SYNE2: variants seen among roughly 807,000 people sequenced by gnomAD.
SYNE2 encodes the protein spectrin repeat containing nuclear envelope protein 2.
In SYNE2, 431 loss-of-function variants were observed where a neutral mutation model predicts 856.3. The observed-to-expected ratio is 0.50, with a 90% CI of 0.47 to 0.55. The LOEUF is 0.55. Ranked by LOEUF, SYNE2 falls within the 20% of genes least tolerant of loss-of-function variation. The pLI is 0.00. For missense variants in SYNE2, 8,129 were observed against 8,023.2 expected (o/e 1.01, Z -0.50); for synonymous variants, 2,923 against 2,872.3 (o/e 1.02, Z -0.56).
intron 61 of SYNE2, among the ~76,000 whole-genome samples, chr14:64,097,554 G>A (rs1377404964): frequency 2.0e-5 from 3 of 152,240 alleles, no homozygotes; most frequent in Non-Finnish European, 4.4e-5. Context: ...TGCAGTGTTG[G>A]TTAGTGTGCA....
chr14:64,205,250 A>T (rs2140048956), intron 100 of SYNE2, among the ~76,000 whole-genome samples: 1 of 152,266 alleles, frequency 6.6e-6, no homozygotes, highest in East Asian at 1.9e-4. Flanking sequence ...TATTCTGCCT[A>T]CCACAGATGA....
chr14:64,064,567 T>TTTA (rs2097343404), intron 50 of SYNE2, among the ~76,000 whole-genome samples: 1 of 136,944 alleles, frequency 7.3e-6, no homozygotes, highest in East Asian at 2.0e-4. Flanking sequence ...TTTTTTTTTT[T>TTTA]AAATAAGACA....
chr14:63,862,626 T>C (rs535818470), intron 1 of SYNE2, among the ~76,000 whole-genome samples: 16 of 152,344 alleles, frequency 1.1e-4, no homozygotes, highest in African/African-American at 3.6e-4. Context: ...ATTATACTTA[T>C]AGATAATATT....
At chr14:63,916,208 T>C (rs1355642404) in intron 2 of SYNE2, among the ~76,000 whole-genome samples, 1 of 152,224 alleles carries the variant, frequency 6.6e-6, no homozygotes, top group African/African-American at 2.4e-5. Context: ...AACCAAAATA[T>C]GACCAAAAAT....
At chr14:64,139,312 A>G (rs1348557121) in intron 79 of SYNE2, among the ~76,000 whole-genome samples, 1 of 152,048 alleles carries the variant, frequency 6.6e-6, no homozygotes, top group African/African-American at 2.4e-5. Context: ...AATTTATAGA[A>G]GACATTTGAT....
At chr14:63,807,445 T>C (rs1888404171) in intron 1 of SYNE2, among the ~76,000 whole-genome samples, 1 of 151,900 alleles carries the variant, frequency 6.6e-6, no homozygotes, top group Non-Finnish European at 1.5e-5. Flanking sequence ...TTATAAAAAT[T>C]ATGTAAGGTT....
At position 63,817,662 on chromosome 14, in the gene SYNE2, C is replaced by T. The variant is rs117463266; in HGVS notation, c.-304-34839C>T. On this transcript the variant is annotated intron_variant, in intron 1 of 23. Coordinates refer to the SYNE2 transcript ENST00000674003. ...TATTAACAAGACTAAAAAAGAAAAA[C>T]TGTATGGTAATCTCTCAATACATGC... Among the ~76,000 whole-genome samples, 970 of 152,138 alleles carry T rather than the reference C, an allele frequency of 6.4e-3. 6 individuals carry two copies. The highest frequency in any genetic ancestry group is 7.7e-3 in the Non-Finnish European group (521 of 68,000).
chr14:63,857,871 A>G (rs1357039357), intron 1 of SYNE2, among the ~76,000 whole-genome samples: 1 of 152,186 alleles, frequency 6.6e-6, no homozygotes, highest in Non-Finnish European at 1.5e-5. Context: ...TGTCACGTGT[A>G]AGATTTGCAA....
At chr14:64,127,151 C>T (rs142693783) in intron 73 of SYNE2, among the ~76,000 whole-genome samples, 1,783 of 152,192 alleles carry the variant, frequency 0.012, 11 homozygotes, top group South Asian at 0.039. Flanking sequence ...ATCCCAGCTA[C>T]CTGGGAGGCT....
Position 64,051,794 on chromosome 14 carries a change from A to G in SYNE2, c.7881A>G (p.Glu2627=). The G allele has an allele frequency of 6.2e-7, 1 of 1,614,206 alleles. No individual in the cohort carries two copies. Among genetic ancestry groups the G allele is most frequent in the Non-Finnish European group, 8.5e-7 (1 of 1,180,040 alleles). The change falls in exon 48 of 116, where the codon GAA becomes GAG. Residue 2627 remains glutamate (E), a synonymous_variant. Coordinates refer to ENST00000555002, the MANE Select transcript of SYNE2 (RefSeq NM_182914.3). ...KYSQQVVEYD[E]FTTLMNKVQD... ...CTCAGCAGGTAGTGGAATATGATGA[A>G]TTTACAACCCTCATGAATAAGGTAC... is the stretch of plus-strand genomic sequence containing the variant.
upstream of SYNE2, among the ~76,000 whole-genome samples, chr14:63,850,936 A>G (rs1246854452): frequency 6.6e-6 from 1 of 152,238 alleles, no homozygotes; most frequent in African/African-American, 2.4e-5. Context: ...ATGGAAATGA[A>G]TAGAACCGAG....
intron 1 of SYNE2, among the ~76,000 whole-genome samples, chr14:63,791,046 C>CT (rs1280644229): frequency 6.6e-6 from 1 of 152,092 alleles, no homozygotes; most frequent in East Asian, 1.9e-4. Flanking sequence ...CAAACTCTGC[C>CT]TCCCAGGTTC....
rs1027858214 is a variant in SYNE2, at chr14:64,126,943, C to T, written c.13917+136C>T. ...AATGATGAGACTCTTCTGTTTGTTGCTCATGGTTGGAGATCATTTGAAAGT... is the reference window on the plus strand; with the variant it reads ...AATGATGAGACTCTTCTGTTTGTTGTTCATGGTTGGAGATCATTTGAAAGT... On this transcript the variant is annotated intron_variant, in intron 73 of 115. Transcript: ENST00000555002. 17 of 1,049,570 alleles carry T rather than the reference C, an allele frequency of 1.6e-5. No individual in the cohort carries two copies. In the East Asian group the frequency reaches 4.1e-4, roughly 26 times the overall value. The allele number at this position is 1,049,570 out of a possible 1,614,324, so 65.0% of individuals were successfully genotyped here.
At chr14:64,025,972 G>A (rs2096975088) in intron 41 of SYNE2, among the ~76,000 whole-genome samples, 1 of 151,922 alleles carries the variant, frequency 6.6e-6, no homozygotes, top group Non-Finnish European at 1.5e-5. Flanking sequence ...AAAAATACAG[G>A]GGACAGAAGC....
chr14:63,898,654 C>T (rs768273730), intron 1 of SYNE2, among the ~76,000 whole-genome samples: 21 of 152,160 alleles, frequency 1.4e-4, no homozygotes, highest in Non-Finnish European at 2.1e-4. Context: ...ATTCGCCCAC[C>T]TTGGCCTCCC....
At position 64,208,813 on chromosome 14, in the gene SYNE2, T is replaced by C. The variant is rs1311867053; in HGVS notation, c.18257T>C (p.Ile6086Thr). The C allele has an allele frequency of 1.2e-6, 2 of 1,614,064 alleles. No homozygotes were observed. The highest frequency in any genetic ancestry group is 4.5e-5 in the East Asian group (2 of 44,890). Residue 6086 changes from isoleucine (I) to threonine (T), a missense_variant, in exon 101 of 116, where the codon ATC (isoleucine) becomes ACC (threonine). Transcript: ENST00000555002. ...GCAGGGGTGGAGTCCGTGTTTAACA[T>C]CTGTGACGTCCTACTGCACGACTCC... ...HSAGVESVFNICDVLLHDSDA... is the reference protein window; with the variant it reads ...HSAGVESVFNTCDVLLHDSDA...
chr14:63,916,705 T>C (rs2095537437), intron 2 of SYNE2, among the ~76,000 whole-genome samples: 1 of 152,164 alleles, frequency 6.6e-6, no homozygotes, highest in Admixed American at 6.5e-5. Flanking sequence ...GCTTTCGTAT[T>C]CTGTTTATGA....
intron 48 of SYNE2, among the ~76,000 whole-genome samples, chr14:64,054,071 A>G (rs544788450): frequency 1.1e-4 from 16 of 152,356 alleles, no homozygotes; most frequent in African/African-American, 1.4e-4. Flanking sequence ...CAAAGAAGCT[A>G]TAGGTTCTAC....
rs1436809472 is a variant in SYNE2, at chr14:64,127,787, C to T, written c.13918-665C>T. Among the ~76,000 whole-genome samples the T allele has an allele frequency of 2.0e-5, 3 of 152,196 alleles. No homozygotes were observed. The East Asian group carries it at 5.8e-4, about 29-fold the overall frequency. On this transcript the variant is annotated intron_variant, in intron 73 of 115. Coordinates refer to ENST00000555002, the MANE Select transcript of SYNE2 (RefSeq NM_182914.3). ...AAAATCAAGCCTGAATCTGACCAAG[C>T]TGCTAGAATCCAAGTAAAACAGACA...
Sources: allele counts gnomAD v4.1 joint callset (sites outside exome capture counted in the v4.1 genomes callset), GRCh38; gene constraint gnomAD v4.1.1; transcripts MANE v1.5; gene names NCBI Gene and HGNC (gene_info 2026-07-23, HGNC 2026-07-21).